Variants in BRINP3 observed in about 807,000 individuals in gnomAD.
BRINP3 encodes BMP/retinoic acid inducible neural specific 3, also known as BMP/retinoic acid-inducible neural-specific protein 3.
A neutral mutation model predicts 71.0 loss-of-function variants in BRINP3; 19 were observed. The observed-to-expected ratio is 0.27, with a 90% CI of 0.19 to 0.39. The LOEUF (loss-of-function observed/expected upper bound fraction) is 0.39. Ranked by LOEUF, BRINP3 falls within the 10% of genes least tolerant of loss-of-function variation. BRINP3 has a pLI of 1.00. For missense variants in BRINP3, 959 were observed against 940.8 expected (o/e 1.02, Z -0.25); for synonymous variants, 380 against 337.7 (o/e 1.13, Z -1.37).
At chr1:190,219,551 T>C (rs1656691534) in intron 6 of BRINP3, among the ~76,000 whole-genome samples, 1 of 151,932 alleles carries the variant, frequency 6.6e-6, no homozygotes, top group Non-Finnish European at 1.5e-5. Context: ...TGAAAATACA[T>C]AGTCAGGGCC....
chr1:190,362,535 G>A (rs1669216114), intron 2 of BRINP3, among the ~76,000 whole-genome samples: 1 of 152,146 alleles, frequency 6.6e-6, no homozygotes, highest in Admixed American at 6.6e-5. Context: ...ATCTGTGATA[G>A]GCAAAATTCT....
intron 3 of BRINP3, among the ~76,000 whole-genome samples, chr1:190,280,539 C>G (rs1662957203): frequency 6.6e-6 from 1 of 151,744 alleles, no homozygotes; most frequent in African/African-American, 2.4e-5. Flanking sequence ...GGGGTATATT[C>G]TGGTGTAAAA....
At chr1:190,133,940 T>C (rs548630296) in intron 7 of BRINP3, among the ~76,000 whole-genome samples, 3 of 151,948 alleles carry the variant, frequency 2.0e-5, no homozygotes, top group Non-Finnish European at 4.4e-5. Context: ...ACCAGACACA[T>C]AAAACAAAAT....
chr1:190,372,133 C>T (rs1219257632), intron 2 of BRINP3, among the ~76,000 whole-genome samples: 1 of 152,104 alleles, frequency 6.6e-6, no homozygotes, highest in African/African-American at 2.4e-5. Flanking sequence ...TAAGAGAGGA[C>T]ACAACAGTAA....
intron 2 of BRINP3, among the ~76,000 whole-genome samples, chr1:190,407,068 CA>C (rs1265377525): frequency 1.3e-5 from 2 of 152,054 alleles, no homozygotes; most frequent in Admixed American, 6.5e-5. Context: ...AGGGAAAAAC[CA>C]AACTAAAAAG....
At chr1:190,162,695 G>A (rs552087950) in intron 6 of BRINP3, among the ~76,000 whole-genome samples, 17 of 152,216 alleles carry the variant, frequency 1.1e-4, no homozygotes, top group African/African-American at 4.1e-4. Flanking sequence ...TGTTATAATA[G>A]TATTGGGAAG....
intron 2 of BRINP3, among the ~76,000 whole-genome samples, chr1:190,365,743 A>C (rs1413962204): frequency 6.8e-6 from 1 of 146,076 alleles, no homozygotes; most frequent in Non-Finnish European, 1.5e-5. Flanking sequence ...ATATTATAAC[A>C]TTATAAAACT....
chr1:190,444,793 C>T (rs1048236904), intron 2 of BRINP3, among the ~76,000 whole-genome samples: 1 of 152,086 alleles, frequency 6.6e-6, no homozygotes, highest in African/African-American at 2.4e-5. Flanking sequence ...CTTGGCCCCC[C>T]CAAGGTGCTG....
chr1:190,211,448 A>G (rs1415171253), intron 6 of BRINP3, among the ~76,000 whole-genome samples: 1 of 152,108 alleles, frequency 6.6e-6, no homozygotes. Flanking sequence ...TCTTAGAGAC[A>G]CTTAATGAAG....
In BRINP3 at chr1:190,405,364, T is replaced by C. The variant is rs1305162511; in HGVS notation, c.236+49291A>G. Reference sequence around the variant, plus strand: ...TACTCGGGAGGCTGAGGCAGGAGAATGGCGTGAACCCGGGAGGCGGAGCTT... The same window carrying C: ...TACTCGGGAGGCTGAGGCAGGAGAACGGCGTGAACCCGGGAGGCGGAGCTT... On this transcript the variant is annotated intron_variant, in intron 2 of 7. Coordinates refer to ENST00000367462, the MANE Select transcript of BRINP3 (RefSeq NM_199051.3). 2.8e-5 allele frequency among the ~76,000 whole-genome samples: 4 copies of C among 143,462 alleles called. No individual in the cohort carries two copies. The East Asian group carries it at 8.4e-4, about 30-fold the overall frequency. 94.1% of individuals were successfully genotyped at this position (143,462 alleles called of 152,430 possible).
intron 6 of BRINP3, among the ~76,000 whole-genome samples, chr1:190,211,052 T>A (rs1367665130): frequency 4.6e-5 from 7 of 152,104 alleles, no homozygotes; most frequent in Non-Finnish European, 7.4e-5. Context: ...AAGGCTACAC[T>A]GTCAGCTTCC....
rs1677577053 is a variant in BRINP3, at chr1:190,477,572, T to C, written c.-175A>G. The C allele has an allele frequency of 2.0e-5, 3 of 151,918 alleles. No homozygotes were observed. The South Asian group carries it at 6.2e-4, about 32-fold the overall frequency. The allele number at this position is 151,918 out of a possible 1,614,324, so 9.4% of individuals were successfully genotyped here. A position where few individuals can be genotyped will look rare whatever the true frequency, so the allele number is the denominator to read the frequency against. On this transcript the variant is annotated 5_prime_UTR_variant, in exon 1 of 8. Coordinates refer to ENST00000367462, the MANE Select transcript of BRINP3 (RefSeq NM_199051.3). ...GCAGGGTAGTAGGACTTTAAAATAA[T>C]CAGCAGTTCCTGGTGGCATGTAACC... is the stretch of plus-strand genomic sequence containing the variant.
At chr1:190,121,677 T>C (rs1653675952) in intron 7 of BRINP3, among the ~76,000 whole-genome samples, 2 of 152,310 alleles carry the variant, frequency 1.3e-5, no homozygotes, top group Middle Eastern at 3.4e-3. Flanking sequence ...TAAGTTCTTA[T>C]TGAGTTCTAA....
At chr1:190,409,644 C>A (rs2102402631) in intron 2 of BRINP3, among the ~76,000 whole-genome samples, 1 of 152,210 alleles carries the variant, frequency 6.6e-6, no homozygotes, top group East Asian at 1.9e-4. Flanking sequence ...GAATATCTCA[C>A]TTTGGGAGAA....
intron 6 of BRINP3, among the ~76,000 whole-genome samples, chr1:190,206,651 G>A (rs1362488326): frequency 6.6e-6 from 1 of 152,040 alleles, no homozygotes; most frequent in African/African-American, 2.4e-5. Context: ...AATAAAGGAT[G>A]TAAAATTAAT....
intron 2 of BRINP3, among the ~76,000 whole-genome samples, chr1:190,372,997 T>G (rs1431914199): frequency 6.6e-6 from 1 of 152,160 alleles, no homozygotes; most frequent in African/African-American, 2.4e-5. Context: ...TTGTAAACAT[T>G]ACATATCTAA....
chr1:190,380,542 A>C (rs762439560), intron 2 of BRINP3, among the ~76,000 whole-genome samples: 7 of 152,170 alleles, frequency 4.6e-5, no homozygotes, highest in Non-Finnish European at 1.0e-4. Context: ...ACTCAATGAG[A>C]TTCTGGAGAT....
At chr1:190,385,363 T>G (rs1337917561) in intron 2 of BRINP3, among the ~76,000 whole-genome samples, 1 of 151,780 alleles carries the variant, frequency 6.6e-6, no homozygotes, top group Non-Finnish European at 1.5e-5. Flanking sequence ...GAATCTACAA[T>G]GAACTCAAAC....
chr1:190,236,551 A>G (rs1465937470), intron 4 of BRINP3, among the ~76,000 whole-genome samples: 1 of 151,964 alleles, frequency 6.6e-6, no homozygotes, highest in Non-Finnish European at 1.5e-5. Context: ...AAGATTGACT[A>G]TGTGTAAATA....
Sources: gnomAD v4.1 joint callset for allele counts (sites outside exome capture counted in the v4.1 genomes callset) on GRCh38, gnomAD v4.1.1 for gene constraint, MANE v1.5 for transcripts, NCBI Gene and HGNC (gene_info 2026-07-23, HGNC 2026-07-21) for gene names.